Variants in DIS3L observed in about 807,000 individuals in gnomAD.
The protein encoded by DIS3L is DIS3 like exosome 3'-5' exoribonuclease.
DIS3L carries 100 observed loss-of-function variants against 120.3 expected under a neutral mutation model. The observed-to-expected ratio is 0.83, with a 90% confidence interval of 0.71 to 0.98. DIS3L has a LOEUF of 0.98. DIS3L is among the 50% of genes least tolerant of loss of function. The pLI is 0.00. For missense variants in DIS3L, 1,196 were observed against 1,314.2 expected (o/e 0.91, Z 1.39); for synonymous variants, 426 against 470.6 (o/e 0.91, Z 1.23).
intron 1 of DIS3L, chr15:66,294,342 C>G: frequency 1.0e-6 from 1 of 985,482 alleles, no homozygotes; most frequent in Non-Finnish European, 1.2e-6. Flanking sequence ...CAAGGGTGGC[C>G]GATAGAACGA....
intron 1 of DIS3L, chr15:66,294,365 G>C (rs1229885262): frequency 1.0e-6 from 1 of 985,400 alleles, no homozygotes; most frequent in Non-Finnish European, 1.2e-6. Context: ...CACGTTACTG[G>C]CTCTCTTCCC....
chr15:66,302,546 T>A (rs1380996697), intron 2 of DIS3L, among the ~76,000 whole-genome samples: 1 of 152,190 alleles, frequency 6.6e-6, no homozygotes, highest in Non-Finnish European at 1.5e-5. Context: ...ATTCATTTGT[T>A]CATTTGGAAA....
intron 4 of DIS3L, among the ~76,000 whole-genome samples, chr15:66,311,010 T>C (rs1281397843): frequency 7.2e-6 from 1 of 138,696 alleles, no homozygotes; most frequent in Non-Finnish European, 1.5e-5. Context: ...ATCACGCCAC[T>C]TGTACTCCAG....
At chr15:66,318,691 AC>A in intron 8 of DIS3L, 73 bp downstream of exon 8, 1 of 1,459,402 alleles carries the variant, frequency 6.9e-7, no homozygotes, top group Non-Finnish European at 9.3e-7. Context: ...TTTTAGCAGT[AC>A]CAGAAAGCAT....
chr15:66,329,916 A>G, intron 14 of DIS3L: 6 of 983,974 alleles, frequency 6.1e-6, no homozygotes, highest in Non-Finnish European at 7.2e-6. Context: ...GTGTCTCAAA[A>G]AAAAAAAAAG....
chr15:66,328,924 A>G (rs1231510129), intron 12 of DIS3L, 46 bp from the exon 13 acceptor site: 1 of 1,580,216 alleles, frequency 6.3e-7, no homozygotes, highest in Non-Finnish European at 8.6e-7. Flanking sequence ...GTTGTCTTGT[A>G]AATTACTGTC....
chr15:66,320,657 C>T lies in DIS3L; in HGVS notation c.1251C>T (p.Ile417=), dbSNP rs775827408. The stretch of plus-strand genomic sequence containing the variant: ...ATTTTGTGCGTGTTTTAGGAAGAAT[C>T]GGAGATCTGGAAGGGGAAATTGCAA... ...NGHFVRVLGR[I]GDLEGEIATI... is the part of the protein sequence containing the mutation. The change falls in exon 9 of 17, where the codon ATC becomes ATT. Residue 417 remains isoleucine, a synonymous_variant. Transcript: ENST00000319212. 1.1e-5 allele frequency: 17 copies of T among 1,613,894 alleles called. No homozygotes were observed. Among genetic ancestry groups the T allele is most frequent in the African/African-American group, 4.0e-5 (3 of 74,886 alleles).
At chr15:66,332,485 A>AGTGTGTGTGTGTGT (rs778480622) in intron 15 of DIS3L, among the ~76,000 whole-genome samples, 212 of 109,750 alleles carry the variant, frequency 1.9e-3, no homozygotes, top group Middle Eastern at 5.6e-3. Flanking sequence ...TGAAGACTGG[A>AGTGTGTGTGTGTGT]GTGTGTGTGT....
rs537008477 is a variant in DIS3L, at chr15:66,323,910, G to A, written c.1667+325G>A. Among the ~76,000 whole-genome samples, 5 of 152,240 alleles carry A rather than the reference G, an allele frequency of 3.3e-5. No individual in the cohort carries two copies. The East Asian group carries it at 7.7e-4, about 23-fold the overall frequency. On this transcript the variant is annotated intron_variant, in intron 11 of 16. Transcript: ENST00000319212. The stretch of plus-strand genomic sequence containing the variant: ...GCTTTGTGCTTATGCATTCCCTGGC[G>A]GAAGTTGTTTGGCATGAGGATCATG...
chr15:66,318,854 G>A (rs927545015), intron 8 of DIS3L, among the ~76,000 whole-genome samples: 28 of 152,158 alleles, frequency 1.8e-4, no homozygotes, highest in African/African-American at 4.8e-4. Context: ...GTGTAGTGGC[G>A]TGATCTCAGC....
In DIS3L at chr15:66,309,094, A is replaced by AAAAAAAAAAAAAAAATATAT; in HGVS notation, c.558+251_558+252insAAAAAAAAAAAAAATATATA. 5.2e-4 allele frequency among the ~76,000 whole-genome samples: 8 copies of AAAAAAAAAAAAAAAATATAT among 15,316 alleles called. 1 individual carries two copies. Among genetic ancestry groups the AAAAAAAAAAAAAAAATATAT allele is most frequent in the African/African-American group, 1.2e-3 (6 of 5,126 alleles). The allele number at this position is 15,316 out of a possible 152,430, so 10.0% of individuals were successfully genotyped here. A position where few individuals can be genotyped will look rare whatever the true frequency, so the allele number is the denominator to read the frequency against. On this transcript the variant is annotated intron_variant, in intron 4 of 16. Transcript: ENST00000319212. ...CTTGTCTCTACAGAAAAAAAAAAAA[A>AAAAAAAAAAAAAAAATATAT]ATATATATATCTCCAAGCATGGTGG...
intron 6 of DIS3L, 82 bp from the exon 7 acceptor site, chr15:66,314,954 C>T (rs374513459): frequency 7.0e-6 from 10 of 1,431,216 alleles, no homozygotes; most frequent in African/African-American, 1.4e-5. Flanking sequence ...GATTAGACTT[C>T]GAGTATATCA....
In DIS3L at chr15:66,333,230, C is replaced by G; in HGVS notation, c.3083C>G (p.Thr1028Arg). 6.2e-7 allele frequency: 1 copy of G among 1,614,076 alleles called. No homozygotes were observed. Among genetic ancestry groups the G allele is most frequent in the Non-Finnish European group, 8.5e-7 (1 of 1,179,998 alleles). Residue 1028 changes from threonine (T) to arginine (R), a missense_variant, in exon 17 of 17, where the codon ACA becomes AGA. Coordinates refer to ENST00000319212, the MANE Select transcript of DIS3L (RefSeq NM_001143688.3). ...IQEEYQEYRQ[T>R]KGRSLYTLLE... ...GAGGAATATCAAGAATATCGCCAAA[C>G]AAAGGGAAGGAGCCTATACACACTT...
intron 12 of DIS3L, among the ~76,000 whole-genome samples, chr15:66,326,751 T>C (rs1378373773): frequency 6.6e-6 from 1 of 151,852 alleles, no homozygotes; most frequent in Non-Finnish European, 1.5e-5. Flanking sequence ...GGCTAATTTT[T>C]TTGTATTTTT....
intron 5 of DIS3L, among the ~76,000 whole-genome samples, chr15:66,313,769 G>A (rs113780473): frequency 9.4e-4 from 116 of 123,334 alleles, no homozygotes; most frequent in Admixed American, 8.3e-3. Flanking sequence ...GTGTGTGTGT[G>A]TATATATATA....
At chr15:66,321,282 G>A (rs1480610000) in intron 9 of DIS3L, among the ~76,000 whole-genome samples, 2 of 152,004 alleles carry the variant, frequency 1.3e-5, no homozygotes, top group Non-Finnish European at 2.9e-5. Flanking sequence ...TATTATTCTT[G>A]AATGACTATA....
rs1043310394 is a variant in DIS3L at position 66,329,023 on chromosome 15, C to T, written c.2255C>T (p.Pro752Leu). 2.5e-6 allele frequency: 4 copies of T among 1,614,038 alleles called. No homozygotes were observed. Among genetic ancestry groups the T allele is most frequent in the Non-Finnish European group, 3.4e-6 (4 of 1,180,040 alleles). ...SLDNANDPHDPIVNRLLRSMA... is the reference protein window; with the variant it reads ...SLDNANDPHDLIVNRLLRSMA... ...GATAATGCGAACGACCCCCACGATC[C>T]CATTGTGAACAGGCTACTGCGCTCC... Residue 752 changes from proline (P) to leucine (L), a missense_variant, in exon 13 of 17, where the codon CCC (proline) becomes CTC (leucine). By Grantham distance (98) the Pro-to-Leu change is moderately conservative. Coordinates refer to ENST00000319212, the MANE Select transcript of DIS3L (RefSeq NM_001143688.3).
chr15:66,332,057 A>G, intron 15 of DIS3L, 37 bp downstream of exon 15: 1 of 1,574,726 alleles, frequency 6.4e-7, no homozygotes, highest in Non-Finnish European at 8.6e-7. Context: ...ATAAGAAATC[A>G]TAGTTAAAAG....
intron 9 of DIS3L, among the ~76,000 whole-genome samples, chr15:66,321,607 C>G (rs1242386448): frequency 6.6e-6 from 1 of 151,842 alleles, no homozygotes; most frequent in Non-Finnish European, 1.5e-5. Flanking sequence ...ACTAAAAACA[C>G]ACAAAAAAAG....
Sources: allele counts gnomAD v4.1 joint callset (sites outside exome capture counted in the v4.1 genomes callset), GRCh38; gene constraint gnomAD v4.1.1; transcripts MANE v1.5; gene names NCBI Gene and HGNC (gene_info 2026-07-23, HGNC 2026-07-21).